Variants in MTA3 observed in about 807,000 individuals in gnomAD.
The protein encoded by MTA3 is metastasis-associated protein MTA3.
Under a neutral mutation model 83.5 loss-of-function variants are expected in MTA3, and 34 were observed. The observed-to-expected ratio is 0.41, with a 90% CI of 0.31 to 0.54. The LOEUF is 0.54. Among genes scored for constraint, MTA3 ranks in the 20% least tolerant of loss-of-function variants. MTA3 has a pLI of 0.33. For synonymous variants in MTA3, 303 were observed against 252.7 expected (o/e 1.20, Z -1.89); for missense variants, 761 against 726.4 (o/e 1.05, Z -0.55).
intron 16 of MTA3, among the ~76,000 whole-genome samples, chr2:42,753,111 G>T (rs1270296097): frequency 2.0e-5 from 3 of 151,916 alleles, no homozygotes; most frequent in Non-Finnish European, 4.4e-5. Flanking sequence ...TTTTATTTTG[G>T]TAGAGACAGA....
intron 2 of MTA3, among the ~76,000 whole-genome samples, chr2:42,546,604 G>C (rs1022083808): frequency 1.3e-5 from 2 of 152,078 alleles, no homozygotes; most frequent in Non-Finnish European, 2.9e-5. Flanking sequence ...AGTCAAACTA[G>C]AGGCGTTTCT....
At chr2:42,553,273 A>G (rs1047218744) in intron 2 of MTA3, among the ~76,000 whole-genome samples, 3 of 151,712 alleles carry the variant, frequency 2.0e-5, no homozygotes, top group African/African-American at 7.3e-5. Flanking sequence ...AAATACAAAA[A>G]ATTCGCCGGG....
chr2:42,498,832 T>G (rs1269249873), intron 2 of MTA3, among the ~76,000 whole-genome samples: 1 of 152,206 alleles, frequency 6.6e-6, no homozygotes, highest in African/African-American at 2.4e-5. Context: ...TTTAGGGAGT[T>G]TAGCCACAGT....
chr2:42,497,888 G>C (rs1218592576), intron 2 of MTA3, among the ~76,000 whole-genome samples: 1 of 152,164 alleles, frequency 6.6e-6, no homozygotes, highest in Non-Finnish European at 1.5e-5. Flanking sequence ...AATAAACACA[G>C]ATTGGATAAG....
intron 6 of MTA3, 58 bp from the exon 7 acceptor site, chr2:42,656,142 G>A (rs1312459732): frequency 2.3e-5 from 28 of 1,241,020 alleles, no homozygotes; most frequent in Non-Finnish European, 3.3e-5. Flanking sequence ...TGTCATCAGT[G>A]GTATGAGACA....
At chr2:42,577,790 T>C (rs985472286) in intron 2 of MTA3, among the ~76,000 whole-genome samples, 2 of 152,216 alleles carry the variant, frequency 1.3e-5, no homozygotes, top group Non-Finnish European at 2.9e-5. Flanking sequence ...GGATTTTTAA[T>C]GTCTCAAGAA....
chr2:42,598,470 G>A (rs1474885233), intron 3 of MTA3, among the ~76,000 whole-genome samples: 2 of 152,072 alleles, frequency 1.3e-5, no homozygotes, highest in Non-Finnish European at 2.9e-5. Context: ...CGGAATTTTA[G>A]ACCTGTAAGG....
intron 3 of MTA3, among the ~76,000 whole-genome samples, chr2:42,599,962 C>T (rs976962155): frequency 5.3e-5 from 8 of 151,880 alleles, no homozygotes; most frequent in Non-Finnish European, 1.0e-4. Context: ...TTTGGGAGGC[C>T]GAGGCGGGCG....
chr2:42,619,529 G>T (rs1685293026), intron 4 of MTA3, among the ~76,000 whole-genome samples: 1 of 152,066 alleles, frequency 6.6e-6, no homozygotes, highest in South Asian at 2.1e-4. Flanking sequence ...ATTGCTGAAA[G>T]AATTAAAGAA....
intron 11 of MTA3, chr2:42,703,050 C>T (rs1573683826): frequency 1.3e-5 from 2 of 152,332 alleles, no homozygotes; most frequent in South Asian, 2.1e-4. Flanking sequence ...GCCTCTAACT[C>T]CTGGGCTCAA....
chr2:42,720,139 A>C (rs925470557), intron 15 of MTA3, among the ~76,000 whole-genome samples: 1 of 150,954 alleles, frequency 6.6e-6, no homozygotes, highest in African/African-American at 2.4e-5. Context: ...ATGTTACTGT[A>C]CTACCTTATT....
chr2:42,704,843 T>A (rs551790082), intron 12 of MTA3, among the ~76,000 whole-genome samples: 7 of 152,324 alleles, frequency 4.6e-5, no homozygotes, highest in African/African-American at 1.7e-4. Context: ...ATGGTGGCAG[T>A]ATTTTATTTG....
At chr2:42,695,915 G>T in intron 10 of MTA3, 76 bp downstream of exon 10, 2 of 963,896 alleles carry the variant, frequency 2.1e-6, no homozygotes, top group South Asian at 3.4e-5. Context: ...ATTTTTTGGC[G>T]ATGTACTACT....
intron 16 of MTA3, among the ~76,000 whole-genome samples, chr2:42,733,407 G>C (rs1573798164): frequency 1.3e-5 from 2 of 152,114 alleles, no homozygotes; most frequent in Non-Finnish European, 2.9e-5. Context: ...CCTCCCTCTG[G>C]GTCCCTACCA....
chr2:42,624,005 G>A (rs925909948), intron 4 of MTA3, among the ~76,000 whole-genome samples: 3 of 151,910 alleles, frequency 2.0e-5, no homozygotes, highest in African/African-American at 4.8e-5. Flanking sequence ...GAGCCACTTC[G>A]CCCGGTCTGG....
chr2:42,525,064 C>T (rs1290510776), intron 2 of MTA3, among the ~76,000 whole-genome samples: 5 of 151,442 alleles, frequency 3.3e-5, no homozygotes, highest in Admixed American at 6.6e-5. Flanking sequence ...CCCATTAACT[C>T]ATCCTTTAGC....
At chr2:42,506,003 G>T (rs964230644) in intron 2 of MTA3, among the ~76,000 whole-genome samples, 28 of 151,966 alleles carry the variant, frequency 1.8e-4, no homozygotes, top group South Asian at 4.2e-4. Context: ...GACCTCAAAT[G>T]ATCTGCCCGC....
At chr2:42,572,490 G>C (rs1030106704) in intron 2 of MTA3, among the ~76,000 whole-genome samples, 1 of 151,914 alleles carries the variant, frequency 6.6e-6, no homozygotes, top group African/African-American at 2.4e-5. Flanking sequence ...GAGGAAGATT[G>C]CTTGGGCCCA....
chr2:42,735,244 A>G (rs1263084111), intron 16 of MTA3, among the ~76,000 whole-genome samples: 2 of 152,142 alleles, frequency 1.3e-5, no homozygotes, highest in African/African-American at 4.8e-5. Context: ...TACTATTCTA[A>G]GATAAAAGTT....
Sources: allele counts gnomAD v4.1 joint callset (sites outside exome capture counted in the v4.1 genomes callset), GRCh38; gene constraint gnomAD v4.1.1; transcripts MANE v1.5; gene names NCBI Gene and HGNC (gene_info 2026-07-23, HGNC 2026-07-21).